The following UBE2QL1 variants were observed in gnomAD, a reference collection of about 807,000 sequenced individuals.
The protein encoded by UBE2QL1 is ubiquitin-conjugating enzyme E2Q-like protein 1.
In UBE2QL1, 5 loss-of-function variants were observed where a neutral mutation model predicts 12.6. The ratio of observed to expected loss-of-function variants is 0.40; its 90% CI spans 0.21 to 0.83. The LOEUF is 0.83. Ranked by LOEUF, UBE2QL1 falls within the 40% of genes least tolerant of loss-of-function variation. The pLI, the probability that UBE2QL1 is intolerant of heterozygous loss-of-function variation, is 0.37. For missense variants in UBE2QL1, 99 were observed against 222.6 expected, an observed-to-expected ratio of 0.44 and a Z score of 3.53; for synonymous variants, 96 against 94.5, an observed-to-expected ratio of 1.02 and a Z score of -0.10.
chr5:6,451,625 A>AT (rs555934674), intron 1 of UBE2QL1, among the ~76,000 whole-genome samples: 2 of 152,286 alleles, frequency 1.3e-5, no homozygotes, highest in East Asian at 1.9e-4. Context: ...ATTTCTTTGC[A>AT]TTTTTTCATG....
intron 1 of UBE2QL1, among the ~76,000 whole-genome samples, chr5:6,466,425 G>T (rs1034913690): frequency 2.6e-4 from 39 of 152,214 alleles, no homozygotes; most frequent in Admixed American, 2.3e-3. Context: ...TGTGGCCCGT[G>T]GGCCTCCTGG....
At chr5:6,483,207 G>A (rs272458) in intron 1 of UBE2QL1, among the ~76,000 whole-genome samples, 32,817 of 152,028 alleles carry the variant, frequency 0.22, 4,125 homozygotes, top group East Asian at 0.35. Context: ...AGGCCGAGGC[G>A]GGTGGATCAC....
intron 1 of UBE2QL1, among the ~76,000 whole-genome samples, chr5:6,483,200 CCG>C (rs1734398012): frequency 6.6e-6 from 1 of 152,164 alleles, no homozygotes; most frequent in East Asian, 1.9e-4. Flanking sequence ...CTTTGGGAGG[CCG>C]AGGCGGGTGG....
At chr5:6,456,542 A>C (rs1380579338) in intron 1 of UBE2QL1, among the ~76,000 whole-genome samples, 1 of 152,256 alleles carries the variant, frequency 6.6e-6, no homozygotes, top group Non-Finnish European at 1.5e-5. Context: ...CTACTCAGTA[A>C]GTCGGCAAGC....
At chr5:6,488,278 T>C (rs1298334094) in intron 1 of UBE2QL1, among the ~76,000 whole-genome samples, 1 of 152,148 alleles carries the variant, frequency 6.6e-6, no homozygotes, top group Non-Finnish European at 1.5e-5. Context: ...TTGTAACAAT[T>C]GAGACTTTCA....
At chr5:6,489,811 C>G (rs1052916106) in intron 1 of UBE2QL1, among the ~76,000 whole-genome samples, 4 of 152,198 alleles carry the variant, frequency 2.6e-5, no homozygotes, top group African/African-American at 9.6e-5. Flanking sequence ...GGCTTCTGCC[C>G]TCTATGGCTG....
chr5:6,475,030 C>G (rs964532815), intron 1 of UBE2QL1, among the ~76,000 whole-genome samples: 1 of 152,188 alleles, frequency 6.6e-6, no homozygotes, highest in Non-Finnish European at 1.5e-5. Context: ...GCGCAGCTTT[C>G]CCTATATTCT....
rs567714552 is a variant in UBE2QL1, at chr5:6,462,996, A to G, written c.354+13749A>G. ...ATTTTCCATAAGTAAAAGCTTTCAG[A>G]GTGTGCATCTCTAAATCATCCACTT... is the stretch of plus-strand genomic sequence containing the variant. On this transcript the variant is annotated intron_variant, in intron 1 of 1. Coordinates refer to ENST00000399816, the MANE Select transcript of UBE2QL1 (RefSeq NM_001145161.3). Among the ~76,000 whole-genome samples, 15 of 152,310 alleles carry G rather than the reference A, an allele frequency of 9.8e-5. No individual in the cohort carries two copies. The South Asian group carries it at 3.1e-3, about 32-fold the overall frequency.
intron 1 of UBE2QL1, among the ~76,000 whole-genome samples, chr5:6,468,820 A>G (rs993222086): frequency 6.6e-6 from 1 of 152,088 alleles, no homozygotes; most frequent in African/African-American, 2.4e-5. Context: ...TGTTTGGGGG[A>G]TACACCAGAC....
intron 1 of UBE2QL1, among the ~76,000 whole-genome samples, chr5:6,462,246 C>CT (rs1739686686): frequency 6.6e-6 from 1 of 152,208 alleles, no homozygotes; most frequent in South Asian, 2.1e-4. Context: ...ATGGGCTACC[C>CT]TGAGAGTCAG....
intron 1 of UBE2QL1, among the ~76,000 whole-genome samples, chr5:6,459,347 T>C (rs1739602244): frequency 6.6e-6 from 1 of 152,204 alleles, no homozygotes; most frequent in Non-Finnish European, 1.5e-5. Flanking sequence ...TTATTAGTAA[T>C]TTCATTTAAG....
intron 1 of UBE2QL1, among the ~76,000 whole-genome samples, chr5:6,464,865 T>G (rs1431111346): frequency 6.6e-6 from 1 of 152,272 alleles, no homozygotes; most frequent in African/African-American, 2.4e-5. Context: ...GGGCCATCTG[T>G]GCTGGTCCCT....
intron 1 of UBE2QL1, among the ~76,000 whole-genome samples, chr5:6,449,867 A>ACCC (rs1482739693): frequency 3.0e-4 from 20 of 67,236 alleles, no homozygotes; most frequent in Admixed American, 4.3e-4. Flanking sequence ...CCACCTCCCC[A>ACCC]ACCCCCCCCA....
chr5:6,468,408 A>G (rs1017491552), intron 1 of UBE2QL1, among the ~76,000 whole-genome samples: 17 of 152,176 alleles, frequency 1.1e-4, no homozygotes, highest in Non-Finnish European at 2.2e-4. Context: ...CAACCGGCAA[A>G]GTGAGAGTGT....
intron 1 of UBE2QL1, among the ~76,000 whole-genome samples, chr5:6,468,377 C>T (rs900202353): frequency 6.6e-6 from 1 of 152,140 alleles, no homozygotes; most frequent in South Asian, 2.1e-4. Context: ...TGTGCACTGG[C>T]CTGAGGACAG....
chr5:6,450,284 G>A lies in UBE2QL1; in HGVS notation c.354+1037G>A, dbSNP rs77509046. On this transcript the variant is annotated intron_variant, in intron 1 of 1. Transcript: ENST00000399816. ...AGGGCTAAAGATTTTAACGAAATAC[G>A]AAACGAAGGGCCAAACAGTTCTCCT... Among the ~76,000 whole-genome samples, 906 of 152,158 alleles carry A rather than the reference G, an allele frequency of 6.0e-3. 4 individuals carry two copies. Among genetic ancestry groups the A allele is most frequent in the African/African-American group, 0.021 (869 of 41,498 alleles).
In UBE2QL1 at chr5:6,491,528, C is replaced by A; in HGVS notation, c.*179C>A. The A allele has an allele frequency of 1.4e-6, 1 of 737,376 alleles. No homozygotes were observed. The allele number at this position is 737,376 out of a possible 1,614,324, so 45.7% of individuals were successfully genotyped here. ...TGTGTGTACAGAGAGGAAGAGGGAG[C>A]AAATGCCGTTCGGATTATGTTTCGA... On this transcript the variant is annotated 3_prime_UTR_variant, in exon 2 of 2. Coordinates refer to ENST00000399816, the MANE Select transcript of UBE2QL1 (RefSeq NM_001145161.3).
In UBE2QL1 at chr5:6,467,995, C is replaced by G. The variant is rs181749907; in HGVS notation, c.354+18748C>G. Among the ~76,000 whole-genome samples, 68 of 152,250 alleles carry G rather than the reference C, an allele frequency of 4.5e-4. 1 individual carries two copies. The highest frequency in any genetic ancestry group is 3.5e-3 in the Admixed American group (54 of 15,304). ...CCTGCCTTGTCTGCTGGGCCTCTCTCCTTGCTCTCATCCAGATCAATGAAC... is the reference window on the plus strand; with the variant it reads ...CCTGCCTTGTCTGCTGGGCCTCTCTGCTTGCTCTCATCCAGATCAATGAAC... On this transcript the variant is annotated intron_variant, in intron 1 of 1. Transcript: ENST00000399816.
chr5:6,466,559 G>A lies in UBE2QL1; in HGVS notation c.354+17312G>A, dbSNP rs111343714. 1.2e-4 allele frequency among the ~76,000 whole-genome samples: 19 copies of A among 152,358 alleles called. No individual in the cohort carries two copies. The East Asian group carries it at 2.5e-3, about 20-fold the overall frequency. ...CAGCCCAGCCCTGCGCCTAGTAAGC[G>A]CTCAGCACCTATCGGAGAATGAGGT... On this transcript the variant is annotated intron_variant, in intron 1 of 1. Transcript: ENST00000399816.
Sources: allele counts gnomAD v4.1 joint callset (sites outside exome capture counted in the v4.1 genomes callset), GRCh38; gene constraint gnomAD v4.1.1; transcripts MANE v1.5; gene names NCBI Gene and HGNC (gene_info 2026-07-23, HGNC 2026-07-21).